Variants in CCDC148 observed in about 807,000 individuals in gnomAD.
The protein encoded by CCDC148 is coiled-coil domain-containing protein 148.
CCDC148 carries 89 observed loss-of-function variants against 85.7 expected under a neutral mutation model. The observed-to-expected ratio is 1.04, with a 90% CI of 0.87 to 1.24. CCDC148 has a LOEUF of 1.24. CCDC148 is among the 50% of genes most tolerant of loss of function. The pLI is 0.00. For synonymous variants in CCDC148, 230 were observed against 213.9 expected (o/e 1.08, Z -0.66); for missense variants, 692 against 671.7 (o/e 1.03, Z -0.33).
intron 1 of CCDC148, among the ~76,000 whole-genome samples, chr2:158,418,095 A>C (rs923931682): frequency 2.0e-5 from 3 of 151,796 alleles, no homozygotes; most frequent in Non-Finnish European, 2.9e-5. Context: ...AAATCCCTTG[A>C]GTGTTTTTTT....
chr2:158,427,492 G>A (rs1687128955), intron 1 of CCDC148, among the ~76,000 whole-genome samples: 5 of 152,242 alleles, frequency 3.3e-5, no homozygotes, highest in Admixed American at 3.3e-4. Context: ...ATTATAAATA[G>A]GAGTTAACCT....
intron 9 of CCDC148, among the ~76,000 whole-genome samples, chr2:158,267,161 T>C (rs1689501992): frequency 6.6e-6 from 1 of 152,040 alleles, no homozygotes; most frequent in Admixed American, 6.6e-5. Context: ...ATTCATTCCT[T>C]TCTTCTCCCC....
chr2:158,246,742 C>T (rs1402126672), intron 10 of CCDC148, among the ~76,000 whole-genome samples: 1 of 152,140 alleles, frequency 6.6e-6, no homozygotes, highest in African/African-American at 2.4e-5. Flanking sequence ...CATAATCACT[C>T]TCTGCAAAAG....
rs143597459 is a variant in CCDC148, at chr2:158,289,421, TAAAC to T, written c.1110+20008_1110+20011del. On this transcript the variant is annotated intron_variant, in intron 9 of 13. Transcript: ENST00000283233. ...ATAGAAAAAAAATGGATGAAAGACT[TAAAC>T]AAGCAATTTCACAAAGAAAAAAATC... is the stretch of plus-strand genomic sequence containing the variant. Among the ~76,000 whole-genome samples the T allele has an allele frequency of 3.7e-3, 561 of 152,234 alleles. 2 individuals are homozygous for T. Among genetic ancestry groups the T allele is most frequent in the African/African-American group, 0.013 (522 of 41,550 alleles).
intron 9 of CCDC148, among the ~76,000 whole-genome samples, chr2:158,253,113 G>A (rs752195615): frequency 1.3e-4 from 20 of 151,572 alleles, no homozygotes; most frequent in African/African-American, 2.7e-4. Flanking sequence ...TCTTAAGCGC[G>A]GATGAATTTT....
intron 1 of CCDC148, among the ~76,000 whole-genome samples, chr2:158,421,128 C>T (rs1235741675): frequency 6.6e-6 from 1 of 152,110 alleles, no homozygotes; most frequent in Admixed American, 6.5e-5. Flanking sequence ...GACTCCCACA[C>T]AATAATAATG....
chr2:158,354,938 A>G (rs547345623), intron 2 of CCDC148, among the ~76,000 whole-genome samples: 1 of 152,088 alleles, frequency 6.6e-6, no homozygotes, highest in Admixed American at 6.6e-5. Context: ...GCAAATCAAT[A>G]AATGTAATCC....
chr2:158,299,073 A>G (rs1164082158), intron 9 of CCDC148, among the ~76,000 whole-genome samples: 1 of 152,176 alleles, frequency 6.6e-6, no homozygotes, highest in Non-Finnish European at 1.5e-5. Flanking sequence ...TTAGAGGGTA[A>G]GTCTGTTTCT....
intron 11 of CCDC148, among the ~76,000 whole-genome samples, chr2:158,180,497 G>GT (rs753808176): frequency 6.6e-6 from 1 of 152,158 alleles, no homozygotes; most frequent in Non-Finnish European, 1.5e-5. Context: ...GGAGGAGGCA[G>GT]TATCTGAGCA....
chr2:158,345,278 T>A lies in CCDC148; in HGVS notation c.188A>T (p.Gln63Leu), dbSNP rs1407762643. The change falls in exon 3 of 14, where the codon CAA becomes CTA. Residue 63 changes from glutamine to leucine, a missense_variant. By Grantham distance (113) the Gln-to-Leu change is moderately radical (BLOSUM62 -2). Coordinates refer to ENST00000283233, the MANE Select transcript of CCDC148 (RefSeq NM_138803.4). Reference protein sequence around the residue: ...AMLTSKLSKEQTLIKQHKQVW... With the variant: ...AMLTSKLSKELTLIKQHKQVW... ...TTGCTTGTGTTGTTTTATTAGTGTT[T>A]GTTCTTTGGATAACTTTGAAGTCAA... The A allele has an allele frequency of 1.2e-6, 2 of 1,613,558 alleles. No homozygotes were observed. The highest frequency in any genetic ancestry group is 2.2e-5 in the South Asian group (2 of 91,034).
intron 11 of CCDC148, among the ~76,000 whole-genome samples, chr2:158,184,118 G>C (rs1234312268): frequency 6.6e-6 from 1 of 152,118 alleles, no homozygotes; most frequent in Non-Finnish European, 1.5e-5. Flanking sequence ...CTGGCTAAGG[G>C]CATAAGCAAA....
chr2:158,237,179 A>C (rs1354467589), intron 10 of CCDC148, among the ~76,000 whole-genome samples: 1 of 152,124 alleles, frequency 6.6e-6, no homozygotes, highest in Admixed American at 6.6e-5. Context: ...GAGCTCAACG[A>C]TGGGAAGAGG....
chr2:158,390,721 G>C lies in CCDC148; in HGVS notation c.26-32151C>G, dbSNP rs113022182. ...GAGATGAAGGTGATGTTTATTCTGAGACCAGGCTGCATTCTAGCCTTTCCT... is the reference window on the plus strand; with the variant it reads ...GAGATGAAGGTGATGTTTATTCTGACACCAGGCTGCATTCTAGCCTTTCCT... On this transcript the variant is annotated intron_variant, in intron 1 of 13. Coordinates refer to ENST00000283233, the MANE Select transcript of CCDC148 (RefSeq NM_138803.4). Among the ~76,000 whole-genome samples, 416 of 152,294 alleles carry C rather than the reference G, an allele frequency of 2.7e-3. 1 individual carries two copies. The highest frequency in any genetic ancestry group is 9.4e-3 in the African/African-American group (389 of 41,574).
intron 9 of CCDC148, among the ~76,000 whole-genome samples, chr2:158,252,667 C>T (rs571360641): frequency 6.6e-6 from 1 of 151,826 alleles, no homozygotes; most frequent in Non-Finnish European, 1.5e-5. Context: ...ATACTGCTCT[C>T]TTCTTCCTGT....
intron 8 of CCDC148, among the ~76,000 whole-genome samples, chr2:158,310,031 G>A (rs545387609): frequency 2.0e-5 from 3 of 152,326 alleles, no homozygotes; most frequent in African/African-American, 7.2e-5. Context: ...ATAAACATGT[G>A]AACAAAGGTC....
At chr2:158,246,322 T>C (rs1019248334) in intron 10 of CCDC148, among the ~76,000 whole-genome samples, 1 of 152,160 alleles carries the variant, frequency 6.6e-6, no homozygotes, top group Non-Finnish European at 1.5e-5. Flanking sequence ...AAAATGTATC[T>C]CCAACAGTAA....
intron 1 of CCDC148, among the ~76,000 whole-genome samples, chr2:158,455,928 T>TA (rs1198895896): frequency 2.0e-5 from 3 of 152,210 alleles, no homozygotes; most frequent in African/African-American, 7.2e-5. Flanking sequence ...TTTAAAGAGA[T>TA]ACTGGAAAAT....
intron 9 of CCDC148, among the ~76,000 whole-genome samples, chr2:158,276,360 G>A (rs897836914): frequency 1.3e-5 from 2 of 152,138 alleles, no homozygotes; most frequent in African/African-American, 4.8e-5. Context: ...CTTGAACCTG[G>A]GAAGCGGAGG....
chr2:158,286,449 A>C (rs987582818), intron 9 of CCDC148, among the ~76,000 whole-genome samples: 6 of 152,240 alleles, frequency 3.9e-5, no homozygotes, highest in African/African-American at 7.2e-5. Flanking sequence ...ATTTATTCAT[A>C]CATTCATTAC....
Sources: allele counts gnomAD v4.1 joint callset (sites outside exome capture counted in the v4.1 genomes callset), GRCh38; gene constraint gnomAD v4.1.1; transcripts MANE v1.5; gene names NCBI Gene and HGNC (gene_info 2026-07-23, HGNC 2026-07-21).